Variants in LRP2BP observed in about 807,000 individuals in gnomAD.
LRP2BP encodes the protein LRP2-binding protein.
A neutral mutation model predicts 45.2 loss-of-function variants in LRP2BP; 38 were observed. That is an observed-to-expected ratio of 0.84 (90% CI 0.65 to 1.10). The LOEUF is 1.10. LRP2BP is among the 50% of genes least tolerant of loss of function. LRP2BP has a pLI of 0.00. For synonymous variants in LRP2BP, 153 were observed against 153.9 expected (o/e 0.99, Z 0.04); for missense variants, 385 against 418.9 (o/e 0.92, Z 0.71).
At chr4:185,386,380 A>C (rs2095471913) in intron 1 of LRP2BP, among the ~76,000 whole-genome samples, 1 of 152,220 alleles carries the variant, frequency 6.6e-6, no homozygotes, top group African/African-American at 2.4e-5. Flanking sequence ...TAACACAAAA[A>C]TATAAACTAT....
intron 8 of LRP2BP, 79 bp from the exon 9 acceptor site, chr4:185,367,324 G>A: frequency 7.8e-7 from 1 of 1,278,786 alleles, no homozygotes; most frequent in Non-Finnish European, 1.1e-6. Flanking sequence ...TTTCTTTTTT[G>A]ATTCATTTTT....
chr4:185,396,827 GC>G, upstream of LRP2BP: 1 of 1,347,654 alleles, frequency 7.4e-7, no homozygotes, highest in Non-Finnish European at 1.1e-6. Context: ...ATTCTCCCGT[GC>G]TAGGGCCAGC....
intron 1 of LRP2BP, among the ~76,000 whole-genome samples, chr4:185,386,413 G>A (rs372130566): frequency 1.6e-4 from 25 of 152,316 alleles, no homozygotes; most frequent in East Asian, 1.5e-3. Flanking sequence ...TCAGATAAGT[G>A]TCTATGACCT....
intron 4 of LRP2BP, among the ~76,000 whole-genome samples, chr4:185,375,298 A>C (rs1052565782): frequency 2.0e-5 from 3 of 148,324 alleles, no homozygotes; most frequent in African/African-American, 7.4e-5. Context: ...CTCTACTAAA[A>C]CTACAAAAAT....
upstream of LRP2BP, chr4:185,396,694 G>T: frequency 1.7e-6 from 1 of 572,026 alleles, no homozygotes; most frequent in Non-Finnish European, 3.1e-6. Context: ...GCCAGTGTTT[G>T]TGTACGTGCG....
At chr4:185,396,009 G>C, upstream of LRP2BP, 2 of 682,440 alleles carry the variant, frequency 2.9e-6, no homozygotes, top group South Asian at 6.6e-5. Flanking sequence ...GACAGCACCC[G>C]CGGGGCCGGA....
At position 185,365,530 on chromosome 4, in the gene LRP2BP, A is replaced by G. The variant is rs2095383984; in HGVS notation, c.*1650T>C. The stretch of plus-strand genomic sequence containing the variant: ...GCCATCACGCCCGGCTAATTTTTGT[A>G]TTTTTAGTAGAGACGGGGTTTCACC... On this transcript the variant is annotated 3_prime_UTR_variant, in exon 9 of 9. Coordinates refer to ENST00000505916, the MANE Select transcript of LRP2BP (RefSeq NM_001377440.1). The G allele has an allele frequency of 6.6e-6, 1 of 151,566 alleles. No individual in the cohort carries two copies. The highest frequency in any genetic ancestry group is 1.5e-5 in the Non-Finnish European group (1 of 67,936). 9.4% of individuals were successfully genotyped at this position (151,566 alleles called of 1,614,324 possible). A position where few individuals can be genotyped will look rare whatever the true frequency, so the allele number is the denominator to read the frequency against.
intron 3 of LRP2BP, among the ~76,000 whole-genome samples, chr4:185,376,040 C>T (rs996219399): frequency 2.0e-5 from 3 of 151,892 alleles, no homozygotes; most frequent in Admixed American, 1.3e-4. Context: ...TGGTGAAAGA[C>T]AGTCAGTCCC....
chr4:185,394,644 G>C (rs1451460106), intron 1 of LRP2BP, 135 bp downstream of exon 1: 1 of 567,460 alleles, frequency 1.8e-6, no homozygotes, highest in South Asian at 7.7e-5. Flanking sequence ...CCCCCAGACT[G>C]AACTACATAT....
At chr4:185,386,619 C>T (rs1188269729) in intron 1 of LRP2BP, among the ~76,000 whole-genome samples, 2 of 152,122 alleles carry the variant, frequency 1.3e-5, no homozygotes, top group African/African-American at 2.4e-5. Flanking sequence ...GTGTTTTAGT[C>T]TTTGCACAAG....
In LRP2BP at chr4:185,367,149, A is replaced by G. The variant is rs2095390685; in HGVS notation, c.*31T>C. 5.7e-6 allele frequency: 9 copies of G among 1,570,870 alleles called. No individual in the cohort carries two copies. The highest frequency in any genetic ancestry group is 2.2e-5 in the East Asian group (1 of 44,638). ...AATACACACATTGTGAGGTGTTAGC[A>G]TTGATGATCTTTGTTGAAATACATT... On this transcript the variant is annotated 3_prime_UTR_variant, in exon 9 of 9. Transcript: ENST00000505916.
chr4:185,374,128 A>G lies in LRP2BP; in HGVS notation c.579+7T>C, dbSNP rs1364059762. 1 of 1,606,670 alleles carries G rather than the reference A, an allele frequency of 6.2e-7. No individual in the cohort carries two copies. Among genetic ancestry groups the G allele is most frequent in the South Asian group, 1.1e-5 (1 of 90,726 alleles). The stretch of plus-strand genomic sequence containing the variant: ...TAACACTAGCATTAAAAAAGAGGGA[A>G]CGTTACCTTTTCTAACTCCTTGGGC... On this transcript the variant is annotated splice_region_variant and intron_variant, in intron 6 of 8. Coordinates refer to ENST00000505916, the MANE Select transcript of LRP2BP (RefSeq NM_001377440.1).
chr4:185,391,251 C>A (rs909496325), intron 1 of LRP2BP, among the ~76,000 whole-genome samples: 1 of 152,198 alleles, frequency 6.6e-6, no homozygotes, highest in Non-Finnish European at 1.5e-5. Flanking sequence ...ATCGTGTCAA[C>A]AATCACATCA....
chr4:185,378,963 A>G (rs1017758208), intron 1 of LRP2BP: 1 of 985,418 alleles, frequency 1.0e-6, no homozygotes, highest in South Asian at 4.7e-5. Context: ...CCTTAGTGTG[A>G]TTGGAAAGCT....
chr4:185,394,785 T>A lies in LRP2BP; in HGVS notation c.-28A>T, dbSNP rs2095497422. On this transcript the variant is annotated 5_prime_UTR_variant, in exon 1 of 9. It removes an upstream start codon present in the reference 5' UTR. Coordinates refer to ENST00000505916, the MANE Select transcript of LRP2BP (RefSeq NM_001377440.1). Reference sequence around the variant, plus strand: ...CATCTATTCGGTCACTTACTCATCATCCAACGTTTTTTTTAACACTCGCTG... The same window carrying A: ...CATCTATTCGGTCACTTACTCATCAACCAACGTTTTTTTTAACACTCGCTG... 1 of 985,352 alleles carries A rather than the reference T, an allele frequency of 1.0e-6. No individual in the cohort carries two copies. The highest frequency in any genetic ancestry group is 1.7e-5 in the African/African-American group (1 of 57,244). The allele number at this position is 985,352 out of a possible 1,614,324, so 61.0% of individuals were successfully genotyped here. A position where few individuals can be genotyped will look rare whatever the true frequency, so the allele number is the denominator to read the frequency against.
At chr4:185,367,723 T>C (rs1172047669) in intron 8 of LRP2BP, among the ~76,000 whole-genome samples, 1 of 152,170 alleles carries the variant, frequency 6.6e-6, no homozygotes, top group Non-Finnish European at 1.5e-5. Context: ...CCAAACCCCA[T>C]TCTATGCAGT....
At chr4:185,396,608 C>T, upstream of LRP2BP, 1 of 407,628 alleles carries the variant, frequency 2.5e-6, no homozygotes, top group Non-Finnish European at 4.4e-6. Flanking sequence ...GGGCCTGACG[C>T]ATCCACAGCT....
At chr4:185,396,572 G>T, upstream of LRP2BP, 1 of 299,836 alleles carries the variant, frequency 3.3e-6, no homozygotes, top group Non-Finnish European at 6.2e-6. Context: ...CCGTGGGGCC[G>T]CCGCGGGCCC....
chr4:185,391,618 CT>C (rs2095488644), intron 1 of LRP2BP, among the ~76,000 whole-genome samples: 3 of 152,300 alleles, frequency 2.0e-5, no homozygotes. Context: ...ATTGGGAGCT[CT>C]TTCAGGTTAG....
Sources: allele counts gnomAD v4.1 joint callset (sites outside exome capture counted in the v4.1 genomes callset), GRCh38; gene constraint gnomAD v4.1.1; transcripts MANE v1.5; gene names NCBI Gene and HGNC (gene_info 2026-07-23, HGNC 2026-07-21).